Variants in FGFR2 observed in about 807,000 individuals in gnomAD.
FGFR2 encodes BEK fibroblast growth factor receptor.
In FGFR2, 19 loss-of-function variants were observed where a neutral mutation model predicts 95.9. The ratio of observed to expected loss-of-function variants is 0.20; its 90% CI spans 0.14 to 0.29. The LOEUF is 0.29. Among genes scored for constraint, FGFR2 ranks in the 10% least tolerant of loss-of-function variants. The pLI is 1.00. For synonymous variants in FGFR2, 392 were observed against 393.3 expected (o/e 1.00, Z 0.04); for missense variants, 707 against 1,056.9 (o/e 0.67, Z 4.59).
rs113700803 is a variant in FGFR2 at position 121,496,417 on chromosome 10, T to G, written c.1863+115A>C. On this transcript the variant is annotated intron_variant, in intron 13 of 17. Transcript: ENST00000358487. ...ATAACGCAATAAATATTTTCCAGGT[T>G]GTACAAGACATGCGAGGGCTTGATC... is the stretch of plus-strand genomic sequence containing the variant. 6.2e-5 allele frequency: 63 copies of G among 1,015,316 alleles called. No individual in the cohort carries two copies. The African/African-American group carries it at 7.7e-4, about 12-fold the overall frequency. 62.9% of individuals were successfully genotyped at this position (1,015,316 alleles called of 1,614,324 possible). A position where few individuals can be genotyped will look rare whatever the true frequency, so the allele number is the denominator to read the frequency against.
At chr10:121,579,347 C>A (rs571708350) in intron 2 of FGFR2, among the ~76,000 whole-genome samples, 1 of 152,322 alleles carries the variant, frequency 6.6e-6, no homozygotes, top group East Asian at 1.9e-4. Context: ...TTCCTGTTTA[C>A]GGGGCGTAAC....
At chr10:121,538,969 G>C (rs943889228) in intron 5 of FGFR2, among the ~76,000 whole-genome samples, 1 of 152,232 alleles carries the variant, frequency 6.6e-6, no homozygotes, top group East Asian at 1.9e-4. Context: ...GCGTGGGTCT[G>C]TTACCATAAT....
At chr10:121,536,117 T>A (rs1852786651) in intron 6 of FGFR2, among the ~76,000 whole-genome samples, 1 of 152,222 alleles carries the variant, frequency 6.6e-6, no homozygotes, top group Non-Finnish European at 1.5e-5. Context: ...TACCAGAAAT[T>A]CACTGCTTAA....
Position 121,525,624 on chromosome 10 carries a change from G to GGAGAGAGAGAGAGA in FGFR2, c.749-5469_749-5456dup, listed in dbSNP as rs3035990. ...TTCCTTCCAAGAGGTCATTATTGAG[G>GGAGAGAGAGAGAGA]GAGAGAGAGAGAGAGAGAGAGAGGA... On this transcript the variant is annotated intron_variant, in intron 6 of 17. Coordinates refer to ENST00000358487, the MANE Select transcript of FGFR2 (RefSeq NM_000141.5). Among the ~76,000 whole-genome samples the GGAGAGAGAGAGAGA allele has an allele frequency of 6.2e-3, 931 of 149,342 alleles. 8 individuals carry two copies. The highest frequency in any genetic ancestry group is 0.022 in the African/African-American group (890 of 40,446).
At position 121,499,490 on chromosome 10, in the gene FGFR2, GGAGA is replaced by G. The variant is rs562966949; in HGVS notation, c.1562-889_1562-886del. ...GGAGCCACGGGCCATGAGGAGGGAGGGAGACACAGCCGTGGGCTGTAAGAAAGGA... is the reference window on the plus strand; with the variant it reads ...GGAGCCACGGGCCATGAGGAGGGAGGCACAGCCGTGGGCTGTAAGAAAGGA... On this transcript the variant is annotated intron_variant, in intron 11 of 17. Transcript: ENST00000358487. 2.3e-3 allele frequency among the ~76,000 whole-genome samples: 356 copies of G among 152,352 alleles called. 1 individual carries two copies. Among genetic ancestry groups the G allele is most frequent in the African/African-American group, 8.2e-3 (339 of 41,582 alleles).
At chr10:121,486,786 C>T (rs1399932819) in intron 15 of FGFR2, among the ~76,000 whole-genome samples, 1 of 152,182 alleles carries the variant, frequency 6.6e-6, no homozygotes, top group Non-Finnish European at 1.5e-5. Flanking sequence ...TGGAGCCTGA[C>T]CCCACTGGTT....
intron 2 of FGFR2, among the ~76,000 whole-genome samples, chr10:121,575,067 T>A (rs1859502440): frequency 6.6e-6 from 1 of 152,238 alleles, no homozygotes; most frequent in Non-Finnish European, 1.5e-5. Flanking sequence ...CTGGCTCATG[T>A]TCCTAGTCAT....
rs55774317 is a variant in FGFR2, at chr10:121,483,723, C to T, written c.2276G>A (p.Arg759Gln). The T allele has an allele frequency of 8.1e-6, 13 of 1,613,870 alleles. No homozygotes were observed. The highest frequency in any genetic ancestry group is 6.7e-5 in the Admixed American group (4 of 60,014). Reference protein sequence around the residue: ...TFKQLVEDLDRILTLTTNEEY... With the variant: ...TFKQLVEDLDQILTLTTNEEY... ...CTCATTGGTTGTGAGAGTGAGAATTCGATCCAAGTCTTCTACCAACTGCTT... is the reference window on the plus strand; with the variant it reads ...CTCATTGGTTGTGAGAGTGAGAATTTGATCCAAGTCTTCTACCAACTGCTT... Residue 759 changes from arginine (R) to glutamine (Q), a missense_variant, in exon 17 of 18, where the codon CGA (arginine) becomes CAA (glutamine). Arg to Gln is a conservative substitution (Grantham distance 43). This residue lies in a region of FGFR2 where 104 missense variants were observed against 214.2 expected (regional missense o/e 0.49). Coordinates refer to ENST00000358487, the MANE Select transcript of FGFR2 (RefSeq NM_000141.5).
At chr10:121,499,060 G>A (rs1461633695) in intron 11 of FGFR2, among the ~76,000 whole-genome samples, 1 of 152,132 alleles carries the variant, frequency 6.6e-6, no homozygotes, top group Non-Finnish European at 1.5e-5. Context: ...GTTCCGAGGT[G>A]GGTTCAGACG....
In FGFR2 at chr10:121,565,573, G is replaced by A; in HGVS notation, c.241C>T (p.Pro81Ser). The change falls in exon 3 of 18, where the codon CCC becomes TCC. Residue 81 changes from proline (P) to serine (S), a missense_variant. Physicochemically the swap from Pro to Ser is moderately conservative, Grantham distance 74. Transcript: ENST00000358487. ...SWTKDGVHLG[P>S]NNRTVLIGEY... is the part of the protein sequence containing the mutation. ...CCAATAAGCACTGTCCTATTGTTGGGCCCCAAGTGCACCCCATCCTTAGTC... is the reference window on the plus strand; with the variant it reads ...CCAATAAGCACTGTCCTATTGTTGGACCCCAAGTGCACCCCATCCTTAGTC... The A allele has an allele frequency of 6.2e-7, 1 of 1,614,158 alleles. No homozygotes were observed. Among genetic ancestry groups the A allele is most frequent in the East Asian group, 2.2e-5 (1 of 44,876 alleles).
At position 121,479,214 on chromosome 10, in the gene FGFR2, T is replaced by G. The variant is rs991926730; in HGVS notation, c.*643A>C. ...AAATTACAAAAAAAACTATAAATGA[T>G]TAATTGTTTTGTATATTACCAATTT... is the stretch of plus-strand genomic sequence containing the variant. On this transcript the variant is annotated 3_prime_UTR_variant, in exon 18 of 18. Transcript: ENST00000358487. The G allele has an allele frequency of 1.3e-5, 3 of 231,652 alleles. No homozygotes were observed. Among genetic ancestry groups the G allele is most frequent in the Middle Eastern group, 1.3e-3 (1 of 782 alleles). The allele number at this position is 231,652 out of a possible 1,614,324, so 14.3% of individuals were successfully genotyped here. A position where few individuals can be genotyped will look rare whatever the true frequency, so the allele number is the denominator to read the frequency against.
chr10:121,483,839 T>G, intron 16 of FGFR2, 36 bp from the exon 17 acceptor site: 1 of 1,492,028 alleles, frequency 6.7e-7, no homozygotes, highest in Non-Finnish European at 9.3e-7. Flanking sequence ...TAATTTCATA[T>G]GCACTGGGTA....
rs370970519 is a variant in FGFR2, at chr10:121,525,966, T to C, written c.749-5797A>G. On this transcript the variant is annotated intron_variant, in intron 6 of 17. Coordinates refer to ENST00000358487, the MANE Select transcript of FGFR2 (RefSeq NM_000141.5). ...GCATTTCTCCCCAAAAGTTAGGCAGTACTTGCCACAAAGAGCCATTTCAAA... is the reference window on the plus strand; with the variant it reads ...GCATTTCTCCCCAAAAGTTAGGCAGCACTTGCCACAAAGAGCCATTTCAAA... Among the ~76,000 whole-genome samples the C allele has an allele frequency of 1.7e-4, 26 of 152,192 alleles. 1 individual carries two copies. The East Asian group carries it at 4.7e-3, about 27-fold the overall frequency.
chr10:121,585,221 A>G (rs1333430874), intron 2 of FGFR2, among the ~76,000 whole-genome samples: 1 of 152,236 alleles, frequency 6.6e-6, no homozygotes, highest in Non-Finnish European at 1.5e-5. Context: ...CCCATTTCTA[A>G]AATCCATGGG....
At chr10:121,526,727 A>C (rs1851418508) in intron 6 of FGFR2, 1 of 398,626 alleles carries the variant, frequency 2.5e-6, no homozygotes, top group Middle Eastern at 6.3e-4. Context: ...ACCCAGAATC[A>C]CCTGTTTTGT....
chr10:121,551,437 T>C lies in FGFR2; in HGVS notation c.477A>G (p.Thr159=), dbSNP rs746281842. 2 of 1,614,188 alleles carry C rather than the reference T, an allele frequency of 1.2e-6. No individual in the cohort carries two copies. Among genetic ancestry groups the C allele is most frequent in the South Asian group, 1.1e-5 (1 of 91,078 alleles). Residue 159 remains threonine, a synonymous_variant, in exon 5 of 18, where the codon ACA becomes ACG. Coordinates refer to ENST00000358487, the MANE Select transcript of FGFR2 (RefSeq NM_000141.5). The part of the protein sequence containing the change: ...NNKRAPYWTN[T]EKMEKRLHAV... ...CATGGAGCCGCTTTTCCATCTTTTCTGTGTTGGTCCAGTATGGTGCTCCTG... is the reference window on the plus strand; with the variant it reads ...CATGGAGCCGCTTTTCCATCTTTTCCGTGTTGGTCCAGTATGGTGCTCCTG...
chr10:121,553,162 T>C (rs1378994981), intron 4 of FGFR2, among the ~76,000 whole-genome samples: 1 of 152,190 alleles, frequency 6.6e-6, no homozygotes, highest in Non-Finnish European at 1.5e-5. Flanking sequence ...CCTGTGCTTA[T>C]CTAAGTGTCA....
At chr10:121,551,537 C>G (rs530537035) in intron 4 of FGFR2, 78 bp from the exon 5 acceptor site, 2 of 1,336,754 alleles carry the variant, frequency 1.5e-6, no homozygotes, top group East Asian at 4.6e-5. Flanking sequence ...CAGGTAAGAT[C>G]ATTTCGCTTT....
chr10:121,514,657 T>A (rs1278300054), intron 9 of FGFR2, among the ~76,000 whole-genome samples: 1 of 152,224 alleles, frequency 6.6e-6, no homozygotes, highest in Non-Finnish European at 1.5e-5. Flanking sequence ...GGGCATAAGA[T>A]ACTGATCTTG....
Sources: gnomAD v4.1 joint callset for allele counts (sites outside exome capture counted in the v4.1 genomes callset) on GRCh38, gnomAD v4.1.1 for gene constraint, gnomAD v4.1.1 regional missense constraint, MANE v1.5 for transcripts, NCBI Gene and HGNC (gene_info 2026-07-23, HGNC 2026-07-21) for gene names.